Variants in DNAH6 observed in about 807,000 individuals in gnomAD.
The protein encoded by DNAH6 is dynein axonemal heavy chain 6.
A neutral mutation model predicts 491.4 loss-of-function variants in DNAH6; 340 were observed. That is an observed-to-expected ratio of 0.69 (90% CI 0.63 to 0.76). The LOEUF (loss-of-function observed/expected upper bound fraction) is 0.76. DNAH6 is among the 30% of genes least tolerant of loss of function. The pLI is 0.00. For synonymous variants in DNAH6, 1,603 were observed against 1,686.1 expected (o/e 0.95, Z 1.21); for missense variants, 4,443 against 4,972.2 (o/e 0.89, Z 3.20).
At chr2:84,720,951 T>C (rs1192339) in intron 59 of DNAH6, among the ~76,000 whole-genome samples, 45,152 of 152,056 alleles carry the variant, frequency 0.3, 7,462 homozygotes, top group African/African-American at 0.45. Flanking sequence ...TCCTTGGCTG[T>C]GTTTCCTGCC....
At chr2:84,766,722 C>T (rs745635886) in intron 64 of DNAH6, among the ~76,000 whole-genome samples, 7 of 152,038 alleles carry the variant, frequency 4.6e-5, no homozygotes, top group Non-Finnish European at 7.4e-5. Context: ...GCAATGAGCC[C>T]GGCACTCATG....
At chr2:84,689,185 C>T (rs1186027984) in intron 45 of DNAH6, among the ~76,000 whole-genome samples, 1 of 152,186 alleles carries the variant, frequency 6.6e-6, no homozygotes. Context: ...GGTATCCATC[C>T]CATCCTGTGA....
At chr2:84,738,398 C>G (rs566524300) in intron 62 of DNAH6, among the ~76,000 whole-genome samples, 5 of 152,076 alleles carry the variant, frequency 3.3e-5, no homozygotes, top group African/African-American at 1.2e-4. Flanking sequence ...CAGAATTGGT[C>G]AATTTTCTGC....
chr2:84,544,473 A>G lies in DNAH6; in HGVS notation c.903A>G (p.Leu301=). Residue 301 remains leucine, a synonymous_variant, in exon 5 of 77, where the codon CTA becomes CTG. Coordinates refer to ENST00000389394, the MANE Select transcript of DNAH6 (RefSeq NM_001370.2). The stretch of plus-strand genomic sequence containing the variant: ...AAATCACTGGATGTCAAAAATCTCT[A>G]CAAAAAAATTTGTTCATTGTTAATC... ...SKKITGCQKS[L]QKNLFIVNPH... is the part of the protein sequence containing the mutation. 1 of 1,502,732 alleles carries G rather than the reference A, an allele frequency of 6.7e-7. No individual in the cohort carries two copies. Among genetic ancestry groups the G allele is most frequent in the Non-Finnish European group, 9.1e-7 (1 of 1,103,344 alleles). The allele number at this position is 1,502,732 out of a possible 1,614,324, so 93.1% of individuals were successfully genotyped here.
chr2:84,653,998 T>C, intron 34 of DNAH6, 124 bp downstream of exon 34: 1 of 777,512 alleles, frequency 1.3e-6, no homozygotes, highest in Non-Finnish European at 1.9e-6. Context: ...TCTGTTTACT[T>C]ACTTATTAAG....
intron 37 of DNAH6, among the ~76,000 whole-genome samples, chr2:84,662,616 G>T (rs977330873): frequency 9.9e-5 from 15 of 152,212 alleles, no homozygotes; most frequent in Non-Finnish European, 1.6e-4. Flanking sequence ...AGCTCAAACT[G>T]GGTGGAGCCC....
chr2:84,649,670 A>T (rs1401770382), intron 33 of DNAH6, among the ~76,000 whole-genome samples: 1 of 152,136 alleles, frequency 6.6e-6, no homozygotes, highest in Non-Finnish European at 1.5e-5. Flanking sequence ...CTTTTCAGGA[A>T]CATGGATGAA....
chr2:84,528,413 A>C (rs1402208409), intron 3 of DNAH6, among the ~76,000 whole-genome samples: 4 of 152,194 alleles, frequency 2.6e-5, no homozygotes, highest in Non-Finnish European at 5.9e-5. Context: ...AGTGATTCCC[A>C]ACACTCAATA....
chr2:84,701,541 G>A (rs976625356), intron 49 of DNAH6, among the ~76,000 whole-genome samples: 3 of 152,186 alleles, frequency 2.0e-5, no homozygotes, highest in African/African-American at 7.2e-5. Flanking sequence ...TGTACAGGAA[G>A]CATAGTGCTG....
chr2:84,720,503 C>A (rs528128820), intron 59 of DNAH6, among the ~76,000 whole-genome samples: 187 of 151,846 alleles, frequency 1.2e-3, no homozygotes, highest in African/African-American at 3.6e-3. Context: ...TGGTCTTGAT[C>A]TCCTGACCTC....
At chr2:84,600,386 A>G (rs1423434674) in intron 18 of DNAH6, among the ~76,000 whole-genome samples, 2 of 152,176 alleles carry the variant, frequency 1.3e-5, no homozygotes, top group Admixed American at 6.5e-5. Context: ...ATTAGTAACT[A>G]AAGTCCATGC....
At chr2:84,574,090 C>CTA (rs1373653535) in intron 12 of DNAH6, among the ~76,000 whole-genome samples, 5 of 152,056 alleles carry the variant, frequency 3.3e-5, no homozygotes, top group Non-Finnish European at 5.9e-5. Flanking sequence ...TCTACAATAT[C>CTA]CAAGTGCAAT....
the DNAH6 span, among the ~76,000 whole-genome samples, chr2:84,492,516 C>G: frequency 4.6e-5 from 7 of 152,276 alleles, no homozygotes; most frequent in African/African-American, 1.7e-4. Flanking sequence ...TAGAGTCCAC[C>G]TTTATTTTTT....
chr2:84,488,400 ATAAAAAAAT>A, the DNAH6 span, among the ~76,000 whole-genome samples: 1 of 140,910 alleles, frequency 7.1e-6, no homozygotes, highest in Non-Finnish European at 1.6e-5. Flanking sequence ...AAATAAAAAA[ATAAAAAAAT>A]TAAAAAAATT....
chr2:84,742,678 TCTTCTTC>T (rs921051220), intron 62 of DNAH6, among the ~76,000 whole-genome samples: 2 of 152,196 alleles, frequency 1.3e-5, no homozygotes, highest in Admixed American at 1.3e-4. Flanking sequence ...TTTTCTTCTT[TCTTCTTC>T]CTTCTTCCTT....
chr2:84,670,622 C>A (rs1277223154), intron 39 of DNAH6, 147 bp downstream of exon 39: 2 of 649,136 alleles, frequency 3.1e-6, no homozygotes, highest in Non-Finnish European at 5.1e-6. Flanking sequence ...CATTTTTATG[C>A]TAGCTATGTA....
intron 49 of DNAH6, 122 bp from the exon 50 acceptor site, chr2:84,703,273 T>C (rs908458626): frequency 1.4e-6 from 1 of 726,290 alleles, no homozygotes; most frequent in African/African-American, 1.8e-5. Context: ...ACCTGAATTA[T>C]TACAAACTGA....
intron 11 of DNAH6, among the ~76,000 whole-genome samples, chr2:84,563,413 T>C (rs1680865469): frequency 6.6e-6 from 1 of 152,170 alleles, no homozygotes; most frequent in African/African-American, 2.4e-5. Context: ...TGTTATTTAT[T>C]AGCTTTATAA....
chr2:84,754,846 G>A (rs1267295154), intron 63 of DNAH6, among the ~76,000 whole-genome samples: 1 of 152,136 alleles, frequency 6.6e-6, no homozygotes, highest in Non-Finnish European at 1.5e-5. Flanking sequence ...TGATAAGAAT[G>A]GCATTGAACC....
Sources: allele counts gnomAD v4.1 joint callset (sites outside exome capture counted in the v4.1 genomes callset), GRCh38; gene constraint gnomAD v4.1.1; transcripts MANE v1.5; gene names NCBI Gene and HGNC (gene_info 2026-07-23, HGNC 2026-07-21).